Variants in DLG2 observed in about 807,000 individuals in gnomAD.
The protein encoded by DLG2 is discs large MAGUK scaffold protein 2.
DLG2 carries 45 observed loss-of-function variants against 132.5 expected under a neutral mutation model. The observed-to-expected ratio is 0.34, with a 90% CI of 0.27 to 0.44. DLG2 has a LOEUF of 0.44. Ranked by LOEUF, DLG2 falls within the 20% of genes least tolerant of loss-of-function variation. DLG2 has a pLI of 1.00. For synonymous variants in DLG2, 424 were observed against 419.6 expected (o/e 1.01, Z -0.13); for missense variants, 1,045 against 1,196.9 (o/e 0.87, Z 1.87).
intron 19 of DLG2, among the ~76,000 whole-genome samples, chr11:83,583,148 ATACT>A (rs2097013072): frequency 6.6e-6 from 1 of 152,224 alleles, no homozygotes; most frequent in Non-Finnish European, 1.5e-5. Context: ...ATAAGAAGAA[ATACT>A]TAATTCTGTT....
chr11:85,309,429 C>CAAA (rs34393401), intron 3 of DLG2, among the ~76,000 whole-genome samples: 7 of 143,482 alleles, frequency 4.9e-5, no homozygotes, highest in South Asian at 2.2e-4. Flanking sequence ...GGTTTTCTAC[C>CAAA]AAAAAAAAAA....
At chr11:83,742,690 T>C (rs927277124) in intron 18 of DLG2, among the ~76,000 whole-genome samples, 1 of 152,224 alleles carries the variant, frequency 6.6e-6, no homozygotes, top group African/African-American at 2.4e-5. Flanking sequence ...GAAGCAGTAG[T>C]ATTTACTGGG....
At chr11:85,462,301 G>T (rs957602191) in intron 3 of DLG2, among the ~76,000 whole-genome samples, 1 of 152,152 alleles carries the variant, frequency 6.6e-6, no homozygotes, top group Admixed American at 6.5e-5. Flanking sequence ...CCATTACTGG[G>T]TATATACCCA....
At chr11:85,538,059 T>C (rs2075717206) in intron 3 of DLG2, among the ~76,000 whole-genome samples, 1 of 151,864 alleles carries the variant, frequency 6.6e-6, no homozygotes, top group Non-Finnish European at 1.5e-5. Context: ...GAGCTTCCAG[T>C]GAGCCGAGAT....
intron 19 of DLG2, among the ~76,000 whole-genome samples, chr11:83,562,167 G>A (rs1593241066): frequency 2.6e-5 from 4 of 152,060 alleles, no homozygotes; most frequent in African/African-American, 4.8e-5. Context: ...GATTACATGC[G>A]TGAGCCACCG....
chr11:84,590,171 T>C (rs796969853), intron 6 of DLG2, among the ~76,000 whole-genome samples: 1 of 152,280 alleles, frequency 6.6e-6, no homozygotes, highest in African/African-American at 2.4e-5. Flanking sequence ...TAACAATCAC[T>C]GTAGGGCAAA....
chr11:84,818,389 G>C (rs1022902482), intron 6 of DLG2, among the ~76,000 whole-genome samples: 2 of 151,868 alleles, frequency 1.3e-5, no homozygotes, highest in Admixed American at 6.6e-5. Context: ...ACCCTCAATA[G>C]AGTTCTTTCT....
chr11:83,974,545 G>C (rs571839335), intron 12 of DLG2, among the ~76,000 whole-genome samples: 1 of 152,112 alleles, frequency 6.6e-6, no homozygotes, highest in East Asian at 1.9e-4. Context: ...CTTGATGGCA[G>C]GACTTCACAG....
intron 4 of DLG2, among the ~76,000 whole-genome samples, chr11:85,184,563 T>C (rs1311683062): frequency 6.6e-6 from 1 of 151,826 alleles, no homozygotes; most frequent in Non-Finnish European, 1.5e-5. Context: ...GATATAACTG[T>C]TATTAGAACT....
At chr11:85,328,972 A>C (rs1242246810) in intron 3 of DLG2, among the ~76,000 whole-genome samples, 1 of 123,174 alleles carries the variant, frequency 8.1e-6, no homozygotes, top group Admixed American at 8.7e-5. Context: ...GCATTCTTAT[A>C]CACCAACAAC....
At chr11:85,487,751 T>C (rs530838197) in intron 3 of DLG2, among the ~76,000 whole-genome samples, 2 of 151,950 alleles carry the variant, frequency 1.3e-5, no homozygotes, top group East Asian at 3.9e-4. Flanking sequence ...TTAGAAAAAA[T>C]AATAGATGAA....
At chr11:83,596,036 T>C (rs1245435087) in intron 19 of DLG2, among the ~76,000 whole-genome samples, 1 of 152,180 alleles carries the variant, frequency 6.6e-6, no homozygotes, top group South Asian at 2.1e-4. Context: ...GATCTGAACA[T>C]AAAAGTCTCA....
At chr11:84,207,692 G>T (rs1566932029) in intron 8 of DLG2, among the ~76,000 whole-genome samples, 1 of 152,156 alleles carries the variant, frequency 6.6e-6, no homozygotes, top group East Asian at 1.9e-4. Context: ...GTTCATAAAA[G>T]AAAACATTTT....
At chr11:84,268,586 C>T (rs919576884) in intron 7 of DLG2, among the ~76,000 whole-genome samples, 1 of 151,626 alleles carries the variant, frequency 6.6e-6, no homozygotes, top group Non-Finnish European at 1.5e-5. Flanking sequence ...CTCAGCCTCC[C>T]GAGTAGCTGG....
At chr11:84,568,926 A>G (rs1236931222) in intron 6 of DLG2, among the ~76,000 whole-genome samples, 1 of 152,182 alleles carries the variant, frequency 6.6e-6, no homozygotes. Context: ...TATTTCACCT[A>G]TCTTGAACGG....
At chr11:84,087,117 T>C (rs1411229699) in intron 10 of DLG2, among the ~76,000 whole-genome samples, 2 of 152,214 alleles carry the variant, frequency 1.3e-5, no homozygotes, top group Non-Finnish European at 2.9e-5. Flanking sequence ...GCTATGAACC[T>C]TAGTGTACAA....
At chr11:83,636,303 T>G (rs186364232) in intron 18 of DLG2, among the ~76,000 whole-genome samples, 1 of 152,302 alleles carries the variant, frequency 6.6e-6, no homozygotes, top group African/African-American at 2.4e-5. Flanking sequence ...TCATTCTTCT[T>G]GGAACTTCCT....
chr11:83,493,539 A>G (rs183220642), intron 21 of DLG2, among the ~76,000 whole-genome samples: 7 of 152,230 alleles, frequency 4.6e-5, no homozygotes, highest in Admixed American at 6.6e-5. Flanking sequence ...ACATGTACAT[A>G]TAGTATATAC....
intron 6 of DLG2, among the ~76,000 whole-genome samples, chr11:84,726,064 C>T (rs1156874582): frequency 1.3e-5 from 2 of 152,024 alleles, no homozygotes; most frequent in East Asian, 3.9e-4. Flanking sequence ...TAAATGGACT[C>T]TAATATGCAT....
Sources: allele counts gnomAD v4.1 joint callset (sites outside exome capture counted in the v4.1 genomes callset), GRCh38; gene constraint gnomAD v4.1.1; transcripts MANE v1.5; gene names NCBI Gene and HGNC (gene_info 2026-07-23, HGNC 2026-07-21).